The following THSD7B variants were observed in gnomAD, a reference collection of about 807,000 sequenced individuals.
THSD7B encodes thrombospondin type-1 domain-containing protein 7B.
A neutral mutation model predicts 213.6 loss-of-function variants in THSD7B; 138 were observed. The ratio of observed to expected loss-of-function variants is 0.65; its 90% confidence interval spans 0.56 to 0.74. THSD7B has a LOEUF of 0.74. THSD7B is among the 30% of genes least tolerant of loss of function. The pLI, the probability that THSD7B is intolerant of heterozygous loss-of-function variation, is 0.00. For missense variants in THSD7B, 1,931 were observed against 1,991.5 expected, an observed-to-expected ratio of 0.97 and a Z score of 0.58; for synonymous variants, 742 against 687.0, an observed-to-expected ratio of 1.08 and a Z score of -1.25.
intron 4 of THSD7B, among the ~76,000 whole-genome samples, chr2:137,097,783 C>CAG (rs1364719700): frequency 6.6e-6 from 1 of 150,920 alleles, no homozygotes; most frequent in Non-Finnish European, 1.5e-5. Flanking sequence ...CACACACACA[C>CAG]ACACACACAC....
intron 4 of THSD7B, among the ~76,000 whole-genome samples, chr2:137,113,742 T>A (rs1688395761): frequency 1.3e-5 from 2 of 152,028 alleles, no homozygotes; most frequent in African/African-American, 4.8e-5. Context: ...CGGCCAGAAA[T>A]ATATTGTTAT....
At chr2:137,575,725 C>CACACACATATATATATATATATAT (rs59620213) in intron 17 of THSD7B, among the ~76,000 whole-genome samples, 5 of 110,816 alleles carry the variant, frequency 4.5e-5, no homozygotes, top group South Asian at 4.1e-4. Flanking sequence ...CCATAACACA[C>CACACACATATATATATATATATAT]ATATATATAT....
At chr2:137,222,055 G>A (rs1003081519) in intron 7 of THSD7B, among the ~76,000 whole-genome samples, 44 of 152,232 alleles carry the variant, frequency 2.9e-4, no homozygotes, top group African/African-American at 1.0e-3. Flanking sequence ...AAGAGACATA[G>A]TATCTTTAAC....
rs556912492 is a variant in THSD7B at position 136,897,909 on chromosome 2, T to C, written c.139+15592T>C. ...CTTTAGCTAGACACAGAGTGCTGAT[T>C]GGTGCATTTACAAACCTGTAGCTAG... On this transcript the variant is annotated intron_variant, in intron 2 of 27. Transcript: ENST00000409968. Among the ~76,000 whole-genome samples the C allele has an allele frequency of 3.9e-5, 6 of 152,098 alleles. No individual in the cohort carries two copies. The East Asian group carries it at 1.2e-3, about 29-fold the overall frequency.
At chr2:137,301,054 A>G (rs1171699774) in intron 12 of THSD7B, among the ~76,000 whole-genome samples, 1 of 152,156 alleles carries the variant, frequency 6.6e-6, no homozygotes, top group Non-Finnish European at 1.5e-5. Flanking sequence ...TTACAATTGG[A>G]ATTTATAACT....
intron 2 of THSD7B, among the ~76,000 whole-genome samples, chr2:137,009,673 G>A (rs900027233): frequency 1.3e-5 from 2 of 152,152 alleles, no homozygotes; most frequent in South Asian, 2.1e-4. Flanking sequence ...ATCAGATCTC[G>A]TGAGACTTAT....
rs145277393 is a variant in THSD7B, at chr2:137,364,355, C to T, written c.2501-41258C>T. Among the ~76,000 whole-genome samples, 1,301 of 152,302 alleles carry T rather than the reference C, an allele frequency of 8.5e-3. 14 individuals are homozygous for T. Among genetic ancestry groups the T allele is most frequent in the African/African-American group, 0.03 (1,236 of 41,558 alleles). On this transcript the variant is annotated intron_variant, in intron 12 of 27. Transcript: ENST00000409968. ...GGCACAAGACATGGATGCCATCTCT[C>T]ACCACTCCTGTTCAACATAGTGTTG...
intron 2 of THSD7B, among the ~76,000 whole-genome samples, chr2:137,037,694 A>G (rs1483135015): frequency 6.6e-6 from 1 of 152,192 alleles, no homozygotes; most frequent in South Asian, 2.1e-4. Flanking sequence ...TTATTTGGCT[A>G]AAGTACTTTC....
At chr2:136,770,468 G>A (rs1268054973) in intron 1 of THSD7B, among the ~76,000 whole-genome samples, 1 of 152,114 alleles carries the variant, frequency 6.6e-6, no homozygotes, top group African/African-American at 2.4e-5. Context: ...TAAAAATATT[G>A]AAATACATGT....
intron 3 of THSD7B, among the ~76,000 whole-genome samples, chr2:137,077,054 C>T (rs1359922406): frequency 6.8e-6 from 1 of 147,888 alleles, no homozygotes; most frequent in Non-Finnish European, 1.5e-5. Context: ...CAACTCCCAC[C>T]TATGAGTGAG....
chr2:137,265,733 T>C (rs1024365309), intron 10 of THSD7B, among the ~76,000 whole-genome samples: 1 of 152,232 alleles, frequency 6.6e-6, no homozygotes, highest in Non-Finnish European at 1.5e-5. Flanking sequence ...AAATAAAATG[T>C]ACATGTTTCT....
intron 6 of THSD7B, among the ~76,000 whole-genome samples, chr2:137,165,031 A>G (rs941313571): frequency 3.9e-5 from 6 of 152,262 alleles, no homozygotes; most frequent in Middle Eastern, 3.4e-3. Flanking sequence ...AGTATAATAA[A>G]AAAAAAGAAA....
At chr2:137,481,119 A>G (rs891938512) in intron 15 of THSD7B, among the ~76,000 whole-genome samples, 2 of 152,242 alleles carry the variant, frequency 1.3e-5, no homozygotes, top group African/African-American at 4.8e-5. Flanking sequence ...CAGACCTACC[A>G]GTACCTTGAT....
chr2:136,874,421 C>G (rs532859722), intron 1 of THSD7B, among the ~76,000 whole-genome samples: 4 of 152,240 alleles, frequency 2.6e-5, no homozygotes, highest in Non-Finnish European at 4.4e-5. Flanking sequence ...GACAATAGCC[C>G]CGTTGATCGG....
intron 15 of THSD7B, among the ~76,000 whole-genome samples, chr2:137,486,510 A>G (rs887963322): frequency 3.3e-5 from 5 of 151,254 alleles, no homozygotes; most frequent in Non-Finnish European, 7.4e-5. Flanking sequence ...TTAGTGACCT[A>G]CAAAGAGACT....
intron 17 of THSD7B, among the ~76,000 whole-genome samples, chr2:137,578,042 A>C (rs1305838370): frequency 2.0e-5 from 3 of 152,172 alleles, no homozygotes; most frequent in Non-Finnish European, 2.9e-5. Flanking sequence ...ATAAACCAAC[A>C]GTTTTGATAC....
intron 2 of THSD7B, among the ~76,000 whole-genome samples, chr2:137,042,915 A>T (rs904203213): frequency 2.0e-5 from 3 of 152,228 alleles, no homozygotes; most frequent in Non-Finnish European, 4.4e-5. Context: ...CACTCTGGGA[A>T]ATTCCAATAA....
At chr2:137,370,844 GTTA>G (rs1573989451) in intron 12 of THSD7B, among the ~76,000 whole-genome samples, 1 of 151,816 alleles carries the variant, frequency 6.6e-6, no homozygotes, top group East Asian at 1.9e-4. Flanking sequence ...TTCTCCAAAA[GTTA>G]TATAATTTCA....
At chr2:136,882,057 A>C (rs1442041995) in intron 1 of THSD7B, 87 bp from the exon 2 acceptor site, 1 of 1,087,762 alleles carries the variant, frequency 9.2e-7, no homozygotes, top group Non-Finnish European at 1.2e-6. Flanking sequence ...TTGCAATACC[A>C]TCATAATAAA....
Sources: gnomAD v4.1 joint callset for allele counts (sites outside exome capture counted in the v4.1 genomes callset) on GRCh38, gnomAD v4.1.1 for gene constraint, MANE v1.5 for transcripts, NCBI Gene and HGNC (gene_info 2026-07-23, HGNC 2026-07-21) for gene names.